NRG1: variants seen among roughly 807,000 people sequenced by gnomAD.
NRG1 encodes neuregulin 1, also known as pro-neuregulin-1, membrane-bound isoform.
Under a neutral mutation model 63.8 loss-of-function variants are expected in NRG1, and 18 were observed. The ratio of observed to expected loss-of-function variants is 0.28; its 90% CI spans 0.19 to 0.42. NRG1 has a LOEUF of 0.42. Ranked by LOEUF, NRG1 falls within the 10% of genes least tolerant of loss-of-function variation. The pLI is 1.00. For synonymous variants in NRG1, 302 were observed against 301.3 expected (o/e 1.00, Z -0.02); for missense variants, 762 against 814.7 (o/e 0.94, Z 0.79).
At chr8:32,357,279 G>T (rs943895656) in intron 1 of NRG1, among the ~76,000 whole-genome samples, 2 of 152,096 alleles carry the variant, frequency 1.3e-5, no homozygotes, top group Non-Finnish European at 1.5e-5. Flanking sequence ...GAAAATAAAT[G>T]ACTTATAAAA....
intron 1 of NRG1, among the ~76,000 whole-genome samples, chr8:32,210,873 T>C (rs952313588): frequency 1.1e-4 from 16 of 152,204 alleles, no homozygotes; most frequent in African/African-American, 3.1e-4. Context: ...CTTTCTTCTT[T>C]AACCATAGAT....
intron 5 of NRG1, among the ~76,000 whole-genome samples, chr8:32,704,944 C>T (rs928481731): frequency 6.6e-6 from 1 of 152,044 alleles, no homozygotes; most frequent in Admixed American, 6.6e-5. Flanking sequence ...TGATCATTGA[C>T]GTGCTTTTTA....
At chr8:32,499,945 T>A (rs995758691) in intron 1 of NRG1, among the ~76,000 whole-genome samples, 2 of 152,120 alleles carry the variant, frequency 1.3e-5, no homozygotes, top group Non-Finnish European at 2.9e-5. Flanking sequence ...GAAACATTAA[T>A]TACAAGATGG....
chr8:32,077,724 A>G (rs908797884), intron 1 of NRG1, among the ~76,000 whole-genome samples: 14 of 152,228 alleles, frequency 9.2e-5, no homozygotes, highest in Non-Finnish European at 5.9e-5. Context: ...TGAGCCTAAT[A>G]CAGGTGCTAT....
chr8:32,235,320 A>G (rs1316016909), intron 1 of NRG1, among the ~76,000 whole-genome samples: 2 of 151,198 alleles, frequency 1.3e-5, no homozygotes, highest in Non-Finnish European at 2.9e-5. Flanking sequence ...GATCGCTTGA[A>G]CCCTAGAGGC....
chr8:31,818,660 C>T (rs1479443082), intron 1 of NRG1, among the ~76,000 whole-genome samples: 2 of 152,186 alleles, frequency 1.3e-5, no homozygotes, highest in Non-Finnish European at 2.9e-5. Context: ...AGGTAATACT[C>T]GCTCACCTGC....
intron 1 of NRG1, among the ~76,000 whole-genome samples, chr8:32,325,671 C>T (rs1801912063): frequency 6.6e-6 from 1 of 152,080 alleles, no homozygotes; most frequent in Non-Finnish European, 1.5e-5. Flanking sequence ...GTGCCCACAC[C>T]TGGCCTATTT....
At chr8:31,761,881 A>G (rs1248073399) in intron 1 of NRG1, among the ~76,000 whole-genome samples, 1 of 152,190 alleles carries the variant, frequency 6.6e-6, no homozygotes, top group Non-Finnish European at 1.5e-5. Flanking sequence ...TGCCACAAAG[A>G]TTTAATAGGT....
At chr8:31,957,060 G>A (rs1804561032) in intron 1 of NRG1, among the ~76,000 whole-genome samples, 1 of 152,090 alleles carries the variant, frequency 6.6e-6, no homozygotes, top group African/African-American at 2.4e-5. Flanking sequence ...TGGGATATAA[G>A]GCAAATTTAG....
intron 1 of NRG1, among the ~76,000 whole-genome samples, chr8:32,312,150 C>CTT (rs1563301557): frequency 1.2e-4 from 15 of 127,258 alleles, no homozygotes; most frequent in Admixed American, 1.8e-4. Context: ...ATTATTTGAC[C>CTT]TTGTTTGTTT....
rs1315243618 is a variant in NRG1, at chr8:31,917,172, G to A, written c.37+277741G>A. ...TTGTAGGTTGCCTGTTCACTCTGACGGTAGTTTCTTTTGCTGTGCAGAAGC... is the reference window on the plus strand; with the variant it reads ...TTGTAGGTTGCCTGTTCACTCTGACAGTAGTTTCTTTTGCTGTGCAGAAGC... On this transcript the variant is annotated intron_variant, in intron 1 of 10. Transcript: ENST00000519301. Among the ~76,000 whole-genome samples, 91 of 86,750 alleles carry A rather than the reference G, an allele frequency of 1.0e-3. 11 individuals are homozygous for A. The highest frequency in any genetic ancestry group is 1.9e-3 in the Admixed American group (14 of 7,514). 56.9% of individuals were successfully genotyped at this position (86,750 alleles called of 152,430 possible).
At chr8:31,712,413 C>T (rs537451304) in intron 1 of NRG1, among the ~76,000 whole-genome samples, 2 of 151,886 alleles carry the variant, frequency 1.3e-5, no homozygotes, top group South Asian at 4.2e-4. Context: ...GGACTATAGG[C>T]ACGTGCCACC....
intron 1 of NRG1, among the ~76,000 whole-genome samples, chr8:31,934,308 CAT>C (rs1491156748): frequency 2.0e-5 from 3 of 150,172 alleles, no homozygotes; most frequent in South Asian, 2.1e-4. Flanking sequence ...TATATGTGTA[CAT>C]GTGTGTATAT....
chr8:32,195,098 C>T lies in NRG1; in HGVS notation c.38-400730C>T, dbSNP rs1433599249. The stretch of plus-strand genomic sequence containing the variant: ...ACACTTCAGACTTGGGGAGGTTACT[C>T]CTTTGGGTAACCTTTTAGGATTATC... On this transcript the variant is annotated intron_variant, in intron 1 of 10. Coordinates refer to the NRG1 transcript ENST00000519301. 2.6e-5 allele frequency among the ~76,000 whole-genome samples: 4 copies of T among 151,982 alleles called. No individual in the cohort carries two copies. In the East Asian group the frequency reaches 7.7e-4, roughly 29 times the overall value.
intron 1 of NRG1, among the ~76,000 whole-genome samples, chr8:32,191,350 G>A (rs1015446959): frequency 1.2e-4 from 19 of 152,112 alleles, no homozygotes; most frequent in Middle Eastern, 3.2e-3. Context: ...AAAGTGCTGG[G>A]ATTACAGGCA....
chr8:32,381,767 G>T (rs1358013189), intron 1 of NRG1, among the ~76,000 whole-genome samples: 2 of 152,046 alleles, frequency 1.3e-5, no homozygotes, highest in Non-Finnish European at 2.9e-5. Flanking sequence ...TATGGATTTG[G>T]CCTCTCAAAT....
intron 1 of NRG1, chr8:32,139,168 G>A (rs1187593103): frequency 6.6e-6 from 1 of 152,164 alleles, no homozygotes; most frequent in African/African-American, 2.4e-5. Context: ...CTCTAATTCA[G>A]TGCCTTGGTA....
At chr8:31,928,176 A>G (rs1371908266) in intron 1 of NRG1, among the ~76,000 whole-genome samples, 3 of 151,848 alleles carry the variant, frequency 2.0e-5, no homozygotes. Context: ...ATGAAGAGGA[A>G]TATCTGTGAA....
intron 1 of NRG1, among the ~76,000 whole-genome samples, chr8:31,815,744 C>A (rs1823377759): frequency 6.6e-6 from 1 of 152,184 alleles, no homozygotes; most frequent in African/African-American, 2.4e-5. Context: ...CGCATTCTCG[C>A]CAAAATTTGT....
Sources: allele counts gnomAD v4.1 joint callset (sites outside exome capture counted in the v4.1 genomes callset), GRCh38; gene constraint gnomAD v4.1.1; transcripts MANE v1.5; gene names NCBI Gene and HGNC (gene_info 2026-07-23, HGNC 2026-07-21).